Variants in GRIP1 observed in about 807,000 individuals in gnomAD.
GRIP1 encodes glutamate receptor interacting protein 1.
A neutral mutation model predicts 129.9 loss-of-function variants in GRIP1; 45 were observed. The observed-to-expected ratio is 0.35, with a 90% CI of 0.27 to 0.44. GRIP1 has a LOEUF of 0.44. Ranked by LOEUF, GRIP1 falls within the 20% of genes least tolerant of loss-of-function variation. GRIP1 has a pLI of 1.00. For synonymous variants in GRIP1, 530 were observed against 520.8 expected, an observed-to-expected ratio of 1.02 and a Z score of -0.24; for missense variants, 1,196 against 1,396.8, an observed-to-expected ratio of 0.86 and a Z score of 2.29.
chr12:66,676,810 T>C (rs562849042), intron 1 of GRIP1, among the ~76,000 whole-genome samples: 66 of 152,280 alleles, frequency 4.3e-4, no homozygotes, highest in Non-Finnish European at 9.0e-4. Context: ...TAATTACATA[T>C]GTTTCCTGGT....
At chr12:66,704,230 C>T (rs138025835) in intron 1 of GRIP1, among the ~76,000 whole-genome samples, 57 of 151,868 alleles carry the variant, frequency 3.8e-4, no homozygotes, top group African/African-American at 1.4e-3. Context: ...TCTAGAAAAA[C>T]ATTTAGGTGA....
rs1331552603 is a variant in GRIP1 at position 66,347,684 on chromosome 12, C to CTT, written c.*1333_*1334dup. 7 of 152,138 alleles carry CTT rather than the reference C, an allele frequency of 4.6e-5. No homozygotes were observed. The East Asian group carries it at 1.4e-3, about 29-fold the overall frequency. 9.4% of individuals were successfully genotyped at this position (152,138 alleles called of 1,614,324 possible). On this transcript the variant is annotated 3_prime_UTR_variant, in exon 25 of 25. Coordinates refer to ENST00000359742, the MANE Select transcript of GRIP1 (RefSeq NM_001366722.1). ...TTTCTTTTTTCTTAACATGATCCTG[C>CTT]TTTATACTTTCTTGCCCTGGCGGTT...
intron 1 of GRIP1, among the ~76,000 whole-genome samples, chr12:67,021,285 C>G (rs1336164921): frequency 6.6e-6 from 1 of 152,054 alleles, no homozygotes; most frequent in Non-Finnish European, 1.5e-5. Context: ...TCCCACCTTC[C>G]ATCCCTCCTT....
At chr12:66,863,873 C>T (rs1429592557) in intron 1 of GRIP1, among the ~76,000 whole-genome samples, 2 of 152,132 alleles carry the variant, frequency 1.3e-5, no homozygotes, top group African/African-American at 4.8e-5. Context: ...TAGCAGTTCT[C>T]AGAGGAGCAG....
intron 1 of GRIP1, among the ~76,000 whole-genome samples, chr12:66,688,205 CAA>C (rs1169848376): frequency 6.6e-6 from 1 of 152,160 alleles, no homozygotes; most frequent in African/African-American, 2.4e-5. Context: ...CACTTGGGAT[CAA>C]AGAGTCTTGT....
At chr12:66,833,330 G>A (rs1426302455) in intron 1 of GRIP1, among the ~76,000 whole-genome samples, 1 of 152,108 alleles carries the variant, frequency 6.6e-6, no homozygotes, top group East Asian at 1.9e-4. Flanking sequence ...CTTTTCTTCA[G>A]AAGCATTCCC....
intron 2 of GRIP1, among the ~76,000 whole-genome samples, chr12:66,595,345 A>G (rs546241192): frequency 6.6e-6 from 1 of 152,346 alleles, no homozygotes; most frequent in African/African-American, 2.4e-5. Context: ...AAGAAAAAGG[A>G]AGGCCTTCAA....
intron 1 of GRIP1, among the ~76,000 whole-genome samples, chr12:66,753,137 T>C (rs1302858225): frequency 1.3e-5 from 2 of 152,144 alleles, no homozygotes; most frequent in African/African-American, 2.4e-5. Flanking sequence ...TTCATGCTCT[T>C]ATATCCTAGG....
intron 7 of GRIP1, among the ~76,000 whole-genome samples, chr12:66,470,860 G>A (rs1294819903): frequency 1.3e-5 from 2 of 151,988 alleles, no homozygotes; most frequent in African/African-American, 2.4e-5. Flanking sequence ...AGCCTGAAAA[G>A]GCAAAGAATA....
At position 67,008,872 on chromosome 12, in the gene GRIP1, T is replaced by A. The variant is rs1179204323; in HGVS notation, c.58+60178A>T. Reference sequence around the variant, plus strand: ...TCCATATGCTTTCACTAACAATATGTGCATATTATAGTCATAAAAATTAAA... The same window carrying A: ...TCCATATGCTTTCACTAACAATATGAGCATATTATAGTCATAAAAATTAAA... On this transcript the variant is annotated intron_variant, in intron 1 of 1. Coordinates refer to the GRIP1 transcript ENST00000643019. 5.3e-5 allele frequency among the ~76,000 whole-genome samples: 8 copies of A among 152,234 alleles called. 1 individual carries two copies. The highest frequency in any genetic ancestry group is 5.2e-4 in the Admixed American group (8 of 15,268).
At chr12:66,797,263 G>A (rs945313335) in intron 1 of GRIP1, among the ~76,000 whole-genome samples, 3 of 152,140 alleles carry the variant, frequency 2.0e-5, no homozygotes, top group Non-Finnish European at 4.4e-5. Flanking sequence ...AAAAGTAAGG[G>A]CAAAGAATGT....
chr12:66,731,101 A>C (rs748802379), intron 1 of GRIP1, among the ~76,000 whole-genome samples: 1 of 152,076 alleles, frequency 6.6e-6, no homozygotes, highest in Non-Finnish European at 1.5e-5. Flanking sequence ...TTATTCTTAG[A>C]GAGATCTCAT....
chr12:66,666,151 G>A (rs2033783270), intron 1 of GRIP1, among the ~76,000 whole-genome samples: 1 of 151,888 alleles, frequency 6.6e-6, no homozygotes. Context: ...TAATTTTTAT[G>A]CTTTCTCTGT....
chr12:66,838,587 TGATGAGG>T (rs1490641255), intron 1 of GRIP1, among the ~76,000 whole-genome samples: 3 of 152,094 alleles, frequency 2.0e-5, no homozygotes, highest in Admixed American at 2.0e-4. Context: ...CCAAAGAATC[TGATGAGG>T]AATGTTTGGG....
intron 14 of GRIP1, among the ~76,000 whole-genome samples, chr12:66,427,606 C>T (rs2058026251): frequency 6.6e-6 from 1 of 152,104 alleles, no homozygotes; most frequent in Non-Finnish European, 1.5e-5. Context: ...AACATATGTT[C>T]TTATGTTGTT....
intron 1 of GRIP1, among the ~76,000 whole-genome samples, chr12:66,707,179 T>C (rs1363231048): frequency 6.6e-6 from 1 of 151,866 alleles, no homozygotes; most frequent in Non-Finnish European, 1.5e-5. Context: ...TTCTACTCTG[T>C]AACCTTCTAC....
chr12:66,978,748 CA>C (rs2042192399), intron 1 of GRIP1, among the ~76,000 whole-genome samples: 1 of 152,104 alleles, frequency 6.6e-6, no homozygotes, highest in Non-Finnish European at 1.5e-5. Context: ...AACAAACAAA[CA>C]AAAAACTATT....
At chr12:66,661,747 G>A (rs1185430595) in intron 1 of GRIP1, among the ~76,000 whole-genome samples, 5 of 152,048 alleles carry the variant, frequency 3.3e-5, no homozygotes. Flanking sequence ...TAGCATTACT[G>A]TAGTATCATC....
chr12:66,979,757 A>G (rs924872359), intron 1 of GRIP1, among the ~76,000 whole-genome samples: 2 of 152,184 alleles, frequency 1.3e-5, no homozygotes, highest in Non-Finnish European at 2.9e-5. Context: ...AAAATGACAT[A>G]CGAAAAGACA....
Sources: gnomAD v4.1 joint callset for allele counts (sites outside exome capture counted in the v4.1 genomes callset) on GRCh38, gnomAD v4.1.1 for gene constraint, MANE v1.5 for transcripts, NCBI Gene and HGNC (gene_info 2026-07-23, HGNC 2026-07-21) for gene names.